Variants in MROH2B observed in about 807,000 individuals in gnomAD.
MROH2B encodes the protein maestro heat like repeat family member 2B.
MROH2B carries 177 observed loss-of-function variants against 208.6 expected under a neutral mutation model. The ratio of observed to expected loss-of-function variants is 0.85; its 90% CI spans 0.75 to 0.96. The LOEUF (loss-of-function observed/expected upper bound fraction) is 0.96, where lower values mean the gene tolerates loss of function less well. Among genes scored for constraint, MROH2B ranks in the 40% least tolerant of loss-of-function variants. MROH2B has a pLI of 0.00. For missense variants in MROH2B, 2,002 were observed against 1,878.7 expected (o/e 1.07, Z -1.21); for synonymous variants, 728 against 659.0 (o/e 1.10, Z -1.60).
intron 11 of MROH2B, 23 bp from the exon 12 acceptor site, chr5:41,052,610 GC>G (rs1301828133): frequency 1.3e-6 from 2 of 1,578,994 alleles, no homozygotes; most frequent in Non-Finnish European, 1.7e-6. Flanking sequence ...CAATGCAATA[GC>G]AACATTTTAC....
intron 29 of MROH2B, 150 bp from the exon 30 acceptor site, chr5:41,012,885 CTAGAACAGGGCA>C: frequency 1.0e-6 from 1 of 965,828 alleles, no homozygotes; most frequent in Non-Finnish European, 1.5e-6. Flanking sequence ...AGAGAAAATA[CTAGAACAGGGCA>C]TAGACATGAC....
rs775567702 is a variant in MROH2B, at chr5:41,005,646, C to G, written c.3750-1G>C. ...TCCGTGTTGCCACACTGCCATGCTC[C>G]TAGAAAATGCACATTTTAGCAGAGA... On this transcript the variant is annotated splice_acceptor_variant, in intron 34 of 41. Coordinates refer to ENST00000399564, the MANE Select transcript of MROH2B (RefSeq NM_173489.5). LOFTEE classifies it high-confidence loss of function. 2 of 1,604,844 alleles carry G rather than the reference C, an allele frequency of 1.2e-6. No individual in the cohort carries two copies. The highest frequency in any genetic ancestry group is 1.1e-5 in the South Asian group (1 of 89,344).
At chr5:41,067,785 A>C (rs984274843) in intron 2 of MROH2B, among the ~76,000 whole-genome samples, 2 of 152,216 alleles carry the variant, frequency 1.3e-5, no homozygotes, top group Non-Finnish European at 2.9e-5. Flanking sequence ...CTAATTGACA[A>C]CCAGGAGAGG....
chr5:41,062,021 C>G (rs1009621734), intron 5 of MROH2B, among the ~76,000 whole-genome samples: 9 of 148,966 alleles, frequency 6.0e-5, no homozygotes, highest in African/African-American at 2.3e-4. Flanking sequence ...CGAATTGGTT[C>G]AAGCACTTTG....
intron 24 of MROH2B, among the ~76,000 whole-genome samples, chr5:41,032,042 G>A (rs562893350): frequency 6.6e-6 from 1 of 152,212 alleles, no homozygotes; most frequent in Non-Finnish European, 1.5e-5. Flanking sequence ...ACATACGCAT[G>A]CATATGTCTT....
Position 41,045,821 on chromosome 5 carries a change from A to G in MROH2B, c.1761T>C (p.Asp587=). 1 of 1,612,784 alleles carries G rather than the reference A, an allele frequency of 6.2e-7. No individual in the cohort carries two copies. Among genetic ancestry groups the G allele is most frequent in the Non-Finnish European group, 8.5e-7 (1 of 1,179,066 alleles). The change falls in exon 18 of 42, where the codon GAT becomes GAC. Residue 587 remains aspartate, a synonymous_variant. Transcript: ENST00000399564. ...LLKESLWKIS[D]VAWTIQLTQD... ...GAGTCAGCTGAATGGTCCAGGCCAC[A>G]TCACTGATCTTCCATAAGGATTCTT...
intron 12 of MROH2B, among the ~76,000 whole-genome samples, 182 bp downstream of exon 12, chr5:41,052,283 G>A (rs1743309538): frequency 6.6e-6 from 1 of 150,380 alleles, no homozygotes; most frequent in Admixed American, 6.6e-5. Context: ...ATTAAAATAT[G>A]ACTTCAAAAT....
At chr5:41,001,230 T>G (rs772261650) in intron 37 of MROH2B, among the ~76,000 whole-genome samples, 1 of 152,142 alleles carries the variant, frequency 6.6e-6, no homozygotes, top group African/African-American at 2.4e-5. Context: ...CCTCTAATCT[T>G]AATTGTCCAA....
At chr5:41,042,441 AC>A (rs957452442) in intron 18 of MROH2B, among the ~76,000 whole-genome samples, 5 of 150,200 alleles carry the variant, frequency 3.3e-5, no homozygotes, top group African/African-American at 1.2e-4. Context: ...AATATACTTC[AC>A]CCCCCATTGT....
chr5:41,017,992 C>G, intron 27 of MROH2B, 22 bp from the exon 28 acceptor site: 1 of 1,565,612 alleles, frequency 6.4e-7, no homozygotes, highest in African/African-American at 1.4e-5. Context: ...AGGAGGCATC[C>G]TATTGTGATG....
At chr5:41,023,195 T>C (rs897622393) in intron 24 of MROH2B, among the ~76,000 whole-genome samples, 5 of 152,196 alleles carry the variant, frequency 3.3e-5, no homozygotes, top group Non-Finnish European at 7.3e-5. Flanking sequence ...GGACGGAGAA[T>C]GACTTTGATG....
chr5:41,057,563 C>CTTTTTT lies in MROH2B; in HGVS notation c.757-209_757-204dup, dbSNP rs776904759. 5.3e-4 allele frequency among the ~76,000 whole-genome samples: 39 copies of CTTTTTT among 73,234 alleles called. 7 individuals carry two copies. Among genetic ancestry groups the CTTTTTT allele is most frequent in the Middle Eastern group, 0.015 (1 of 66 alleles). The allele number at this position is 73,234 out of a possible 152,430, so 48.0% of individuals were successfully genotyped here. ...ATGAATGAATGAACGAATATCCCTC[C>CTTTTTT]TTTTTTTTTTTGAGACGGAGTCTTG... is the stretch of plus-strand genomic sequence containing the variant. On this transcript the variant is annotated intron_variant, in intron 7 of 41. Coordinates refer to ENST00000399564, the MANE Select transcript of MROH2B (RefSeq NM_173489.5).
intron 38 of MROH2B, 65 bp downstream of exon 38, chr5:41,000,613 G>C (rs1003898433): frequency 6.5e-7 from 1 of 1,532,600 alleles, no homozygotes; most frequent in Non-Finnish European, 8.8e-7. Context: ...AGCTAGACCA[G>C]GCTTATTGGT....
intron 18 of MROH2B, among the ~76,000 whole-genome samples, chr5:41,044,558 G>A (rs1579943933): frequency 6.6e-6 from 1 of 152,178 alleles, no homozygotes; most frequent in African/African-American, 2.4e-5. Context: ...TCTGGAAGCT[G>A]TTGAATAAAT....
At chr5:40,999,610 C>T in intron 40 of MROH2B, 67 bp downstream of exon 40, 5 of 1,397,070 alleles carry the variant, frequency 3.6e-6, no homozygotes. Context: ...TGGACAGCTT[C>T]TGGTCAAAGC....
intron 31 of MROH2B, 130 bp from the exon 32 acceptor site, chr5:41,009,536 G>T: frequency 1.7e-6 from 2 of 1,173,682 alleles, no homozygotes; most frequent in Non-Finnish European, 2.4e-6. Context: ...ATGCTGCCAT[G>T]CCTGGGGATA....
rs879071467 is a variant in MROH2B at position 41,032,945 on chromosome 5, G to A, written c.2361+96C>T. ...AAACAAGGCAGAGATCTGTTATGTG[G>A]GACTGGTGAAGTCTATTCACTTTTT... On this transcript the variant is annotated intron_variant, in intron 23 of 41. Coordinates refer to ENST00000399564, the MANE Select transcript of MROH2B (RefSeq NM_173489.5). 10 of 1,562,116 alleles carry A rather than the reference G, an allele frequency of 6.4e-6. No individual in the cohort carries two copies. The Admixed American group carries it at 1.9e-4, about 30-fold the overall frequency.
chr5:41,052,382 C>G, intron 12 of MROH2B, 83 bp downstream of exon 12: 1 of 1,344,506 alleles, frequency 7.4e-7, no homozygotes, highest in East Asian at 2.6e-5. Flanking sequence ...GATTAAGGAT[C>G]CTAATCATTT....
At chr5:41,054,574 C>A (rs1393789129) in intron 11 of MROH2B, among the ~76,000 whole-genome samples, 193 bp downstream of exon 11, 1 of 152,136 alleles carries the variant, frequency 6.6e-6, no homozygotes, top group African/African-American at 2.4e-5. Context: ...CTGAGACGTC[C>A]TTTAGCTGTG....
Sources: allele counts gnomAD v4.1 joint callset (sites outside exome capture counted in the v4.1 genomes callset), GRCh38; gene constraint gnomAD v4.1.1; transcripts MANE v1.5; gene names NCBI Gene and HGNC (gene_info 2026-07-23, HGNC 2026-07-21).